SLC39A11: variants seen among roughly 807,000 people sequenced by gnomAD.
SLC39A11 encodes the protein solute carrier family 39 member 11, also known as zinc transporter ZIP11.
In SLC39A11, 33 loss-of-function variants were observed where a neutral mutation model predicts 36.1. The observed-to-expected ratio is 0.91, with a 90% CI of 0.69 to 1.22. The LOEUF is 1.22. SLC39A11 is among the 50% of genes most tolerant of loss of function. The pLI, the probability that SLC39A11 is intolerant of heterozygous loss-of-function variation, is 0.00. For synonymous variants in SLC39A11, 166 were observed against 170.3 expected, an observed-to-expected ratio of 0.97 and a Z score of 0.20; for missense variants, 432 against 430.3, an observed-to-expected ratio of 1.00 and a Z score of -0.03.
At chr17:72,689,085 C>T (rs1334967074) in intron 7 of SLC39A11, among the ~76,000 whole-genome samples, 2 of 152,176 alleles carry the variant, frequency 1.3e-5, no homozygotes, top group Non-Finnish European at 2.9e-5. Flanking sequence ...CCATGGACCC[C>T]TCCCGAGCCC....
In SLC39A11 at chr17:72,849,810, C is replaced by CA. The variant is rs34998299; in HGVS notation, c.431-7dup. 26,237 of 1,298,134 alleles carry CA rather than the reference C, an allele frequency of 0.02. 31 individuals carry two copies. The highest frequency in any genetic ancestry group is 0.039 in the African/African-American group (2,467 of 62,726). 80.4% of individuals were successfully genotyped at this position (1,298,134 alleles called of 1,614,324 possible). A position where few individuals can be genotyped will look rare whatever the true frequency, so the allele number is the denominator to read the frequency against. On this transcript the variant is annotated splice_polypyrimidine_tract_variant and splice_region_variant and intron_variant, in intron 5 of 9. Transcript: ENST00000255559. ...CTCACCATTCTCACTCTTGTCTGAG[C>CA]AAAAAAAAAAAAAAAGAGAGATGGG... is the stretch of plus-strand genomic sequence containing the variant.
chr17:73,064,893 G>A (rs1158188498), intron 3 of SLC39A11, among the ~76,000 whole-genome samples: 4 of 152,086 alleles, frequency 2.6e-5, no homozygotes, highest in Admixed American at 1.3e-4. Flanking sequence ...AGGGGGGATA[G>A]GGGAAAAAAC....
chr17:72,844,763 G>C (rs1259259215), intron 6 of SLC39A11, among the ~76,000 whole-genome samples: 1 of 152,190 alleles, frequency 6.6e-6, no homozygotes, highest in East Asian at 1.9e-4. Context: ...CCAAACTCAT[G>C]TATCCAGCTG....
chr17:72,821,751 C>T (rs549049571), intron 6 of SLC39A11: 1 of 151,526 alleles, frequency 6.6e-6, no homozygotes, highest in African/African-American at 2.4e-5. Context: ...CTCCCTCAGA[C>T]TGAGGCAAAA....
At chr17:72,941,353 A>G (rs1471061027) in intron 5 of SLC39A11, among the ~76,000 whole-genome samples, 3 of 152,122 alleles carry the variant, frequency 2.0e-5, no homozygotes, top group African/African-American at 7.2e-5. Flanking sequence ...GAAGAAACCG[A>G]CCAATCTTGC....
intron 4 of SLC39A11, among the ~76,000 whole-genome samples, chr17:73,000,224 C>G (rs968856768): frequency 6.6e-6 from 1 of 150,724 alleles, no homozygotes; most frequent in African/African-American, 2.5e-5. Context: ...CATTTCTCCC[C>G]TCCCCCATTC....
intron 3 of SLC39A11, among the ~76,000 whole-genome samples, chr17:73,052,137 C>A (rs1047581210): frequency 2.0e-5 from 3 of 150,732 alleles, no homozygotes; most frequent in Non-Finnish European, 2.9e-5. Context: ...GTGTTAAGTG[C>A]AAGCCCCCCA....
chr17:72,956,567 G>T (rs2086257955), intron 4 of SLC39A11, among the ~76,000 whole-genome samples: 1 of 152,172 alleles, frequency 6.6e-6, no homozygotes, highest in South Asian at 2.1e-4. Flanking sequence ...AAGAACACAA[G>T]TAACCGAAGT....
chr17:73,027,638 T>C (rs1242974378), intron 4 of SLC39A11, among the ~76,000 whole-genome samples: 1 of 152,160 alleles, frequency 6.6e-6, no homozygotes, highest in African/African-American at 2.4e-5. Flanking sequence ...GACAGATAAA[T>C]CTGAAAGGCT....
At chr17:72,815,742 C>A (rs190854531) in intron 6 of SLC39A11, among the ~76,000 whole-genome samples, 21 of 152,102 alleles carry the variant, frequency 1.4e-4, no homozygotes, top group African/African-American at 3.9e-4. Flanking sequence ...GCCAACATGG[C>A]GAAACCCTGC....
At chr17:73,023,801 T>C (rs544124440) in intron 4 of SLC39A11, among the ~76,000 whole-genome samples, 12 of 152,296 alleles carry the variant, frequency 7.9e-5, no homozygotes, top group Non-Finnish European at 1.2e-4. Context: ...AAAATGGTGC[T>C]GTTTGGGTGG....
intron 4 of SLC39A11, among the ~76,000 whole-genome samples, chr17:72,950,060 C>A (rs1337522515): frequency 1.3e-5 from 2 of 151,752 alleles, no homozygotes; most frequent in Non-Finnish European, 2.9e-5. Flanking sequence ...TGATTCAGAT[C>A]TTTTATTTCA....
At chr17:72,821,332 G>A (rs1235561795) in intron 6 of SLC39A11, among the ~76,000 whole-genome samples, 7 of 149,586 alleles carry the variant, frequency 4.7e-5, no homozygotes, top group East Asian at 3.9e-4. Context: ...GTAAAACTCC[G>A]TCTCTATTAA....
At chr17:73,074,046 G>T (rs1230069610) in intron 3 of SLC39A11, among the ~76,000 whole-genome samples, 2 of 145,414 alleles carry the variant, frequency 1.4e-5, no homozygotes, top group Non-Finnish European at 3.0e-5. Context: ...GCAGTAAGAT[G>T]GAAAAAAAAA....
At chr17:73,083,352 CG>C (rs1490821584) in intron 3 of SLC39A11, among the ~76,000 whole-genome samples, 1 of 152,150 alleles carries the variant, frequency 6.6e-6, no homozygotes, top group Non-Finnish European at 1.5e-5. Flanking sequence ...GTGTTTTTGA[CG>C]GAACAGTGGC....
At chr17:72,893,037 T>C (rs1484198145) in intron 5 of SLC39A11, among the ~76,000 whole-genome samples, 1 of 152,194 alleles carries the variant, frequency 6.6e-6, no homozygotes, top group Non-Finnish European at 1.5e-5. Flanking sequence ...CCAATCAGAA[T>C]GAGGGCTTTT....
At chr17:72,777,847 GTGTATGTATGTATGTATGTATATATGTA>G (rs1331885637) in intron 6 of SLC39A11, among the ~76,000 whole-genome samples, 3 of 140,352 alleles carry the variant, frequency 2.1e-5, no homozygotes, top group African/African-American at 7.4e-5. Flanking sequence ...CGTACACTGT[GTGTATGTATGTATGTATGTATATATGTA>G]TGTATGTATG....
At chr17:72,659,456 C>T (rs1022932817) in intron 7 of SLC39A11, among the ~76,000 whole-genome samples, 4 of 151,796 alleles carry the variant, frequency 2.6e-5, no homozygotes, top group Admixed American at 1.3e-4. Flanking sequence ...GATGATCTGG[C>T]GGGGTGAGCT....
At chr17:72,765,141 T>C (rs1174698981) in intron 6 of SLC39A11, among the ~76,000 whole-genome samples, 2 of 152,178 alleles carry the variant, frequency 1.3e-5, no homozygotes, top group Non-Finnish European at 2.9e-5. Context: ...CTACCAGCTA[T>C]CTTTCCAGAG....
Sources: allele counts gnomAD v4.1 joint callset (sites outside exome capture counted in the v4.1 genomes callset), GRCh38; gene constraint gnomAD v4.1.1; transcripts MANE v1.5; gene names NCBI Gene and HGNC (gene_info 2026-07-23, HGNC 2026-07-21).